ABR: variants seen among roughly 807,000 people sequenced by gnomAD.
ABR encodes the protein active breakpoint cluster region-related protein.
Under a neutral mutation model 107.2 loss-of-function variants are expected in ABR, and 35 were observed. That is an observed-to-expected ratio of 0.33 (90% CI 0.25 to 0.43). The LOEUF is 0.43. ABR is among the 20% of genes least tolerant of loss of function. The pLI is 1.00. For missense variants in ABR, 815 were observed against 1,115.2 expected, an observed-to-expected ratio of 0.73 and a Z score of 3.83; for synonymous variants, 498 against 462.0, an observed-to-expected ratio of 1.08 and a Z score of -1.00.
At chr17:1,133,606 A>G (rs2039936234) in intron 1 of ABR, among the ~76,000 whole-genome samples, 1 of 152,218 alleles carries the variant, frequency 6.6e-6, no homozygotes, top group African/African-American at 2.4e-5. Flanking sequence ...ACGTGCATAG[A>G]AAAAAGACTG....
rs1427837781 is a variant in ABR at position 1,011,988 on chromosome 17, G to A, written c.1962-3C>T. ...AGGGCACCTTGGAGCGCTCCCGCCT[G>A]GGGTGGAGCGTGAGGATGGGTGGAG... On this transcript the variant is annotated splice_region_variant and splice_polypyrimidine_tract_variant and intron_variant, in intron 18 of 22. Transcript: ENST00000302538. The surrounding 1 kb of genome is among the most constrained non-coding windows in gnomAD (Gnocchi z 4.8). 6.2e-7 allele frequency: 1 copy of A among 1,612,254 alleles called. No individual in the cohort carries two copies.
chr17:1,079,894 G>A (rs77564006), intron 5 of ABR, among the ~76,000 whole-genome samples: 17 of 149,330 alleles, frequency 1.1e-4, no homozygotes, highest in Non-Finnish European at 2.2e-4. Flanking sequence ...CCACACCTGT[G>A]AACTCCTGGA....
rs146212713 is a variant in ABR at position 1,035,934 on chromosome 17, G to A, written c.1791+14116C>T. Among the ~76,000 whole-genome samples the A allele has an allele frequency of 3.2e-3, 490 of 151,646 alleles. 16 individuals carry two copies. The East Asian group carries it at 0.064, about 20-fold the overall frequency. ...TAAGGTGTTCAGTGGCGGCATCAACGAGGAAAAAAGGTCACATCCTGCCCT... is the reference window on the plus strand; with the variant it reads ...TAAGGTGTTCAGTGGCGGCATCAACAAGGAAAAAAGGTCACATCCTGCCCT... On this transcript the variant is annotated intron_variant, in intron 16 of 22. Coordinates refer to ENST00000302538, the MANE Select transcript of ABR (RefSeq NM_021962.5).
At chr17:1,176,008 G>A (rs988313696) in intron 1 of ABR, among the ~76,000 whole-genome samples, 4 of 152,060 alleles carry the variant, frequency 2.6e-5, no homozygotes, top group Non-Finnish European at 5.9e-5. Context: ...GGAGAATGGC[G>A]TGAACCTGGG....
intron 2 of ABR, among the ~76,000 whole-genome samples, chr17:1,103,274 C>A (rs1332681415): frequency 3.3e-5 from 5 of 152,050 alleles, no homozygotes; most frequent in Admixed American, 6.6e-5. Context: ...GAGGCCTGCA[C>A]AGCCTCCAGC....
rs139941875 is a variant in ABR at position 1,007,201 on chromosome 17, C to T, written c.2454G>A (p.Ser818=). 48 of 1,613,838 alleles carry T rather than the reference C, an allele frequency of 3.0e-5. No individual in the cohort carries two copies. Among genetic ancestry groups the T allele is most frequent in the Non-Finnish European group, 4.0e-5 (47 of 1,179,854 alleles). Residue 818 remains serine, a synonymous_variant, in exon 22 of 23, where the codon TCG becomes TCA. Transcript: ENST00000302538. ...SEVESKAHLT[S]AADIWSHDVM... is the part of the protein sequence containing the mutation. ...CGTCATGGGACCAGATGTCCGCAGCCGAGGTGAGGTGTGCTTTGCTCTCCA... is the reference window on the plus strand; with the variant it reads ...CGTCATGGGACCAGATGTCCGCAGCTGAGGTGAGGTGTGCTTTGCTCTCCA...
upstream of ABR, among the ~76,000 whole-genome samples, chr17:1,180,390 G>A (rs1402413108): frequency 1.3e-5 from 2 of 152,262 alleles, no homozygotes; most frequent in African/African-American, 4.8e-5. Flanking sequence ...CGGGACCCAC[G>A]GGGTGAACGT....
chr17:1,018,087 GGCTGGAGT>G (rs76778182), intron 16 of ABR, among the ~76,000 whole-genome samples: 12,006 of 151,870 alleles, frequency 0.079, 604 homozygotes, highest in Middle Eastern at 0.16. Flanking sequence ...CTGTCGCCCA[GGCTGGAGT>G]GCTGTGGCGC....
At chr17:1,149,645 G>A (rs1014302578) in intron 1 of ABR, among the ~76,000 whole-genome samples, 4 of 152,094 alleles carry the variant, frequency 2.6e-5, no homozygotes, top group Admixed American at 2.6e-4. Flanking sequence ...TCGAACTCCT[G>A]ACCTCAGGTG....
At chr17:1,176,091 CG>C (rs370204948) in intron 1 of ABR, among the ~76,000 whole-genome samples, 137 of 149,958 alleles carry the variant, frequency 9.1e-4, no homozygotes, top group Middle Eastern at 3.4e-3. Flanking sequence ...AGCGAGACTC[CG>C]TGTCAAAAAA....
chr17:1,120,864 CT>C (rs2039314085), intron 2 of ABR, among the ~76,000 whole-genome samples: 1 of 152,212 alleles, frequency 6.6e-6, no homozygotes, highest in African/African-American at 2.4e-5. Flanking sequence ...AAACCCAGTT[CT>C]TCTCTCTGCC....
In ABR at chr17:1,222,714, C is replaced by T. The variant is rs556651487; in HGVS notation, c.838+6079G>A. On this transcript the variant is annotated intron_variant, in intron 1 of 22. Transcript: ENST00000574139. ...ATCACTTGAGCCCGGGAGTTCTAGACGAGCCTGGGGAACATAGTGAGACCC... is the reference window on the plus strand; with the variant it reads ...ATCACTTGAGCCCGGGAGTTCTAGATGAGCCTGGGGAACATAGTGAGACCC... Among the ~76,000 whole-genome samples, 12 of 152,234 alleles carry T rather than the reference C, an allele frequency of 7.9e-5. No homozygotes were observed. In the South Asian group the frequency reaches 1.0e-3, roughly 13 times the overall value.
In ABR at chr17:1,028,876, G is replaced by A. The variant is rs2072465602; in HGVS notation, c.1792-15712C>T. ...CTTCCCCGACAGACAAATGCTTCTGGACCGGCCTCCCTTCAGGCCCTCTTA... is the reference window on the plus strand; with the variant it reads ...CTTCCCCGACAGACAAATGCTTCTGAACCGGCCTCCCTTCAGGCCCTCTTA... On this transcript the variant is annotated intron_variant, in intron 16 of 22. Transcript: ENST00000302538. 4.7e-5 allele frequency among the ~76,000 whole-genome samples: 7 copies of A among 148,868 alleles called. No individual in the cohort carries two copies. In the South Asian group the frequency reaches 1.5e-3, roughly 33 times the overall value.
At chr17:1,176,092 G>A (rs1215571307) in intron 1 of ABR, among the ~76,000 whole-genome samples, 3 of 149,840 alleles carry the variant, frequency 2.0e-5, no homozygotes, top group East Asian at 2.1e-4. Flanking sequence ...GCGAGACTCC[G>A]TGTCAAAAAA....
intron 1 of ABR, among the ~76,000 whole-genome samples, chr17:1,223,304 A>AACACACAAACACAC (rs2043152688): frequency 6.7e-6 from 1 of 149,158 alleles, no homozygotes; most frequent in South Asian, 2.2e-4. Flanking sequence ...AATCAGTAAC[A>AACACACAAACACAC]ACACACACAC....
rs1203423837 is a variant in ABR at position 1,061,817 on chromosome 17, G to A, written c.1183-2950C>T. Among the ~76,000 whole-genome samples, 3 of 152,308 alleles carry A rather than the reference G, an allele frequency of 2.0e-5. No individual in the cohort carries two copies. The East Asian group carries it at 5.8e-4, about 29-fold the overall frequency. ...CCGTCTCAGCCTCCCAAAGTACTGG[G>A]ATTACCGGTGTAAACCACCATGCTG... is the stretch of plus-strand genomic sequence containing the variant. On this transcript the variant is annotated intron_variant, in intron 10 of 22. Coordinates refer to ENST00000302538, the MANE Select transcript of ABR (RefSeq NM_021962.5).
chr17:1,161,460 G>A (rs1377343653), intron 1 of ABR, among the ~76,000 whole-genome samples: 1 of 151,840 alleles, frequency 6.6e-6, no homozygotes, highest in East Asian at 1.9e-4. Context: ...TGCCCGGACT[G>A]GTCTTGAACT....
At chr17:1,108,898 G>GCC (rs758020221) in intron 2 of ABR, 3 of 1,538,480 alleles carry the variant, frequency 1.9e-6, no homozygotes, top group Admixed American at 2.0e-5. Flanking sequence ...CGCCGGCCCG[G>GCC]CCCCCCCCAG....
At chr17:1,193,510 C>G (rs1319024494) in intron 1 of ABR, among the ~76,000 whole-genome samples, 1 of 152,166 alleles carries the variant, frequency 6.6e-6, no homozygotes, top group African/African-American at 2.4e-5. Context: ...CAAGTTCTCA[C>G]TCGGGTCTGG....
Sources: gnomAD v4.1 joint callset for allele counts (sites outside exome capture counted in the v4.1 genomes callset) on GRCh38, gnomAD v4.1.1 for gene constraint, Gnocchi (gnomAD v3.1) non-coding constraint, MANE v1.5 for transcripts, NCBI Gene and HGNC (gene_info 2026-07-23, HGNC 2026-07-21) for gene names.